The following POU2F2 variants were observed in gnomAD, a reference collection of about 807,000 sequenced individuals.
The protein encoded by POU2F2 is POU class 2 homeobox 2.
POU2F2 carries 14 observed loss-of-function variants against 63.5 expected under a neutral mutation model. The observed-to-expected ratio is 0.22, with a 90% CI of 0.15 to 0.34. POU2F2 has a LOEUF of 0.34. Ranked by LOEUF, POU2F2 falls within the 10% of genes least tolerant of loss-of-function variation. The pLI, the probability that POU2F2 is intolerant of heterozygous loss-of-function variation, is 1.00. For synonymous variants in POU2F2, 306 were observed against 348.6 expected, an observed-to-expected ratio of 0.88 and a Z score of 1.36; for missense variants, 607 against 815.2, an observed-to-expected ratio of 0.74 and a Z score of 3.11.
At chr19:42,146,032 C>CAAAA (rs1004458482) in intron 2 of POU2F2, among the ~76,000 whole-genome samples, 5 of 49,738 alleles carry the variant, frequency 1.0e-4, no homozygotes, top group Non-Finnish European at 1.8e-4. Flanking sequence ...GACTCCGTCT[C>CAAAA]AAAAAAAAAA....
chr19:42,121,096 C>A (rs1238337780), intron 4 of POU2F2, among the ~76,000 whole-genome samples: 1 of 152,154 alleles, frequency 6.6e-6, no homozygotes. Flanking sequence ...AAGAAGGAAG[C>A]CTGCTGCCAG....
At chr19:42,104,079 G>A (rs1000684778) in intron 5 of POU2F2, among the ~76,000 whole-genome samples, 7 of 152,190 alleles carry the variant, frequency 4.6e-5, no homozygotes, top group Non-Finnish European at 8.8e-5. Context: ...CAGGTCTGGA[G>A]AGTGCCCAGT....
chr19:42,092,141 G>A lies in POU2F2; in HGVS notation c.1394C>T (p.Thr465Ile), dbSNP rs1390843406. ...TTGAGGGCTGGGGTTTGTGCTGTTGGTGGTGGCCGGGGGTGGGGGAGTGAC... is the reference window on the plus strand; with the variant it reads ...TTGAGGGCTGGGGTTTGTGCTGTTGATGGTGGCCGGGGGTGGGGGAGTGAC... Reference protein sequence around the residue: ...PSVTPPPPATTNSTNPSPQGS... With the variant: ...PSVTPPPPATINSTNPSPQGS... The change falls in exon 13 of 15, where the codon ACC (threonine) becomes ATC (isoleucine). Residue 465 changes from threonine to isoleucine, a missense_variant. By Grantham distance (89) the Thr-to-Ile change is moderately conservative. Transcript: ENST00000692977. The surrounding 1 kb of genome is among the most constrained non-coding windows in gnomAD (Gnocchi z 5.0). The A allele has an allele frequency of 6.3e-7, 1 of 1,585,352 alleles. No homozygotes were observed. The highest frequency in any genetic ancestry group is 2.2e-5 in the East Asian group (1 of 44,718).
At position 42,095,734 on chromosome 19, in the gene POU2F2, C is replaced by T. The variant is rs752125157; in HGVS notation, c.872-41G>A. On this transcript the variant is annotated intron_variant, in intron 9 of 14. Transcript: ENST00000692977. The surrounding 1 kb of genome is among the most constrained non-coding windows in gnomAD (Gnocchi z 7.1). The stretch of plus-strand genomic sequence containing the variant: ...GACGTGAGCATGAGAAGGGGCCTCC[C>T]GCGGCCAGCGGCCACTGCCCGCCCC... 8.1e-6 allele frequency: 13 copies of T among 1,612,320 alleles called. No individual in the cohort carries two copies. Among genetic ancestry groups the T allele is most frequent in the African/African-American group, 1.3e-5 (1 of 74,914 alleles).
At chr19:42,134,118 C>T (rs79630632), upstream of POU2F2, among the ~76,000 whole-genome samples, 15,636 of 151,636 alleles carry the variant, frequency 0.1, 958 homozygotes, top group Middle Eastern at 0.2. Context: ...TAGCAGTGGA[C>T]ACTGGAGCCT....
At position 42,095,391 on chromosome 19, in the gene POU2F2, G is replaced by T. The variant is rs749424069; in HGVS notation, c.1092C>A (p.Arg364=). 1 of 1,613,952 alleles carries T rather than the reference G, an allele frequency of 6.2e-7. No homozygotes were observed. The highest frequency in any genetic ancestry group is 1.1e-5 in the South Asian group (1 of 91,084). Reference sequence around the variant, plus strand: ...TCTGGCGCCGGTTGCAGAACCAGACGCGGATCACTTCCTTCTCCATGTGCA... The same window carrying T: ...TCTGGCGCCGGTTGCAGAACCAGACTCGGATCACTTCCTTCTCCATGTGCA... ...EQLHMEKEVI[R]VWFCNRRQKE... is the part of the protein sequence containing the mutation. The change falls in exon 11 of 15, where the codon CGC becomes CGA. Residue 364 remains arginine, a synonymous_variant. Transcript: ENST00000692977. The surrounding 1 kb of genome is among the most constrained non-coding windows in gnomAD (Gnocchi z 7.1).
rs147390680 is a variant in POU2F2, at chr19:42,103,192, G to T, written c.370-3371C>A. Reference sequence around the variant, plus strand: ...GACCACCCAGTCTATACCAGCCCCTGGCCTGGCCTCCCCTTATCACCCCAT... The same window carrying T: ...GACCACCCAGTCTATACCAGCCCCTTGCCTGGCCTCCCCTTATCACCCCAT... On this transcript the variant is annotated intron_variant, in intron 5 of 14. Transcript: ENST00000692977. 6.9e-3 allele frequency among the ~76,000 whole-genome samples: 1,045 copies of T among 152,032 alleles called. 8 individuals carry two copies. The highest frequency in any genetic ancestry group is 0.012 in the Non-Finnish European group (798 of 67,948).
rs1398129904 is a variant in POU2F2 at position 42,091,224 on chromosome 19, C to G, written c.*33G>C. 6 of 1,506,474 alleles carry G rather than the reference C, an allele frequency of 4.0e-6. No individual in the cohort carries two copies. The South Asian group carries it at 7.6e-5, about 19-fold the overall frequency. 93.3% of individuals were successfully genotyped at this position (1,506,474 alleles called of 1,614,324 possible). A position where few individuals can be genotyped will look rare whatever the true frequency, so the allele number is the denominator to read the frequency against. On this transcript the variant is annotated 3_prime_UTR_variant, in exon 15 of 15. Transcript: ENST00000692977. ...CCCAGGCAAGGGACCAAGGCAGGGA[C>G]CAGAGGAATGGGAGGGGAGGCATGG...
chr19:42,167,865 C>G (rs1368234365), intron 1 of POU2F2, among the ~76,000 whole-genome samples: 1 of 152,182 alleles, frequency 6.6e-6, no homozygotes, highest in Non-Finnish European at 1.5e-5. Flanking sequence ...CCTCAGTAAG[C>G]CCTCGGAGTC....
At chr19:42,168,899 T>C (rs1053512889) in intron 1 of POU2F2, among the ~76,000 whole-genome samples, 2 of 152,214 alleles carry the variant, frequency 1.3e-5, no homozygotes, top group African/African-American at 4.8e-5. Flanking sequence ...GATGCCCTCC[T>C]GTAGCCCCTT....
intron 5 of POU2F2, among the ~76,000 whole-genome samples, chr19:42,112,015 GA>G (rs982783342): frequency 2.6e-5 from 4 of 152,126 alleles, no homozygotes; most frequent in African/African-American, 9.7e-5. Context: ...TCAACAGGGA[GA>G]AAAAAATACC....
chr19:42,171,431 C>CGTGTGTGTGTGT (rs71336804), intron 1 of POU2F2, among the ~76,000 whole-genome samples: 1 of 138,544 alleles, frequency 7.2e-6, no homozygotes, highest in African/African-American at 2.6e-5. Context: ...GGCTGCGCTT[C>CGTGTGTGTGTGT]GTGTGTGTGT....
At chr19:42,101,128 A>G (rs2077125786) in intron 5 of POU2F2, among the ~76,000 whole-genome samples, 1 of 152,128 alleles carries the variant, frequency 6.6e-6, no homozygotes, top group African/African-American at 2.4e-5. Flanking sequence ...AAAACAAACA[A>G]ACAAAAAACA....
At chr19:42,112,637 T>C (rs2031285531) in intron 5 of POU2F2, among the ~76,000 whole-genome samples, 1 of 152,122 alleles carries the variant, frequency 6.6e-6, no homozygotes, top group East Asian at 1.9e-4. Flanking sequence ...CCCAGAGTGC[T>C]GGAATTACAG....
intron 1 of POU2F2, among the ~76,000 whole-genome samples, chr19:42,167,225 C>A (rs1281722866): frequency 1.3e-5 from 2 of 152,182 alleles, no homozygotes; most frequent in African/African-American, 4.8e-5. Context: ...GAGGCCGTGG[C>A]GGGCAGATCA....
intron 1 of POU2F2, among the ~76,000 whole-genome samples, chr19:42,184,669 C>T (rs1411146080): frequency 6.6e-6 from 1 of 152,174 alleles, no homozygotes; most frequent in Non-Finnish European, 1.5e-5. Flanking sequence ...ATCCTACAAG[C>T]ACTTTTCAGT....
rs1321950136 is a variant in POU2F2, at chr19:42,152,742, T to A, written c.-9+7590A>T. The A allele has an allele frequency of 6.6e-6, 1 of 151,950 alleles. No homozygotes were observed. The highest frequency in any genetic ancestry group is 1.5e-5 in the Non-Finnish European group (1 of 68,002). 9.4% of individuals were successfully genotyped at this position (151,950 alleles called of 1,614,324 possible). ...GAGTGGGCAAGGAAGCAGATGGGGA[T>A]GGGGGCCATAGTTTCAGGTAAGGGG... On this transcript the variant is annotated intron_variant, in intron 2 of 6. Coordinates refer to the POU2F2 transcript ENST00000524801. The surrounding 1 kb of genome is among the most constrained non-coding windows in gnomAD (Gnocchi z 4.1).
chr19:42,158,857 C>T (rs1442187144), intron 2 of POU2F2, among the ~76,000 whole-genome samples: 1 of 152,216 alleles, frequency 6.6e-6, no homozygotes, highest in Non-Finnish European at 1.5e-5. Flanking sequence ...AATTCTGCAA[C>T]CTGGAAATTC....
chr19:42,196,487 T>C (rs978643726), exon 1 of POU2F2: 15 of 152,318 alleles, frequency 9.8e-5, no homozygotes, highest in Non-Finnish European at 1.9e-4. Flanking sequence ...GAATACCCCG[T>C]CACTCTGTTG....
Sources: allele counts gnomAD v4.1 joint callset (sites outside exome capture counted in the v4.1 genomes callset), GRCh38; gene constraint gnomAD v4.1.1; non-coding constraint Gnocchi (gnomAD v3.1); transcripts MANE v1.5; gene names NCBI Gene and HGNC (gene_info 2026-07-23, HGNC 2026-07-21).